The following RAB3C variants were observed in gnomAD, a reference collection of about 807,000 sequenced individuals.
RAB3C encodes the protein ras-related protein Rab-3C.
Under a neutral mutation model 26.4 loss-of-function variants are expected in RAB3C, and 17 were observed. That is an observed-to-expected ratio of 0.64 (90% CI 0.44 to 0.97). The LOEUF (loss-of-function observed/expected upper bound fraction) is 0.97, where lower values mean the gene tolerates loss of function less well. Ranked by LOEUF, RAB3C falls within the 50% of genes least tolerant of loss-of-function variation. RAB3C has a pLI of 0.00. For missense variants in RAB3C, 242 were observed against 281.9 expected, an observed-to-expected ratio of 0.86 and a Z score of 1.01; for synonymous variants, 91 against 95.9, an observed-to-expected ratio of 0.95 and a Z score of 0.30.
intron 2 of RAB3C, among the ~76,000 whole-genome samples, chr5:58,692,316 A>G (rs1372307199): frequency 6.6e-6 from 1 of 151,214 alleles, no homozygotes; most frequent in Non-Finnish European, 1.5e-5. Flanking sequence ...ACTATTAGTC[A>G]GAAATGCAAA....
chr5:58,813,572 T>C (rs1234332102), intron 3 of RAB3C, among the ~76,000 whole-genome samples: 1 of 116,448 alleles, frequency 8.6e-6, no homozygotes, highest in Admixed American at 1.0e-4. Flanking sequence ...TAAGTTGTTA[T>C]GGTTAATTTA....
intron 2 of RAB3C, among the ~76,000 whole-genome samples, chr5:58,666,437 G>A (rs971051910): frequency 1.3e-5 from 2 of 152,150 alleles, no homozygotes; most frequent in Non-Finnish European, 2.9e-5. Flanking sequence ...CCACTGCGGG[G>A]GACAAGGACA....
At chr5:58,810,367 C>CTT (rs1446466183) in intron 3 of RAB3C, among the ~76,000 whole-genome samples, 2 of 89,086 alleles carry the variant, frequency 2.2e-5, no homozygotes, top group Non-Finnish European at 4.6e-5. Flanking sequence ...TCTGTGTGCT[C>CTT]TCTCTCTCTC....
chr5:58,739,329 C>T (rs1199482930), intron 3 of RAB3C, among the ~76,000 whole-genome samples: 1 of 152,168 alleles, frequency 6.6e-6, no homozygotes, highest in Admixed American at 6.5e-5. Flanking sequence ...TAAATTGATA[C>T]GACCCCAGTC....
Position 58,641,385 on chromosome 5 carries a change from T to C in RAB3C, c.252+23515T>C, listed in dbSNP as rs529033109. Among the ~76,000 whole-genome samples, 6 of 152,312 alleles carry C rather than the reference T, an allele frequency of 3.9e-5. No individual in the cohort carries two copies. The East Asian group carries it at 1.2e-3, about 29-fold the overall frequency. ...TGCCACCATGGTAGCTCCGCCAGTGTGCGTGGTAACAATTTATTTTCATAT... is the reference window on the plus strand; with the variant it reads ...TGCCACCATGGTAGCTCCGCCAGTGCGCGTGGTAACAATTTATTTTCATAT... On this transcript the variant is annotated intron_variant, in intron 2 of 4. Transcript: ENST00000282878.
intron 3 of RAB3C, among the ~76,000 whole-genome samples, chr5:58,740,005 T>G (rs1741243356): frequency 6.6e-6 from 1 of 152,216 alleles, no homozygotes; most frequent in South Asian, 2.1e-4. Context: ...GCAAATACCC[T>G]TAGTAATTAA....
intron 2 of RAB3C, among the ~76,000 whole-genome samples, chr5:58,722,741 T>C (rs1740801346): frequency 6.6e-6 from 1 of 151,906 alleles, no homozygotes; most frequent in Admixed American, 6.6e-5. Flanking sequence ...CCAATGAATA[T>C]ACAAGAATAT....
chr5:58,782,068 G>A (rs1214089381), intron 3 of RAB3C, among the ~76,000 whole-genome samples: 1 of 152,110 alleles, frequency 6.6e-6, no homozygotes, highest in African/African-American at 2.4e-5. Flanking sequence ...GAGTAAAACT[G>A]TGTTTTACGT....
chr5:58,758,943 C>T (rs1173795287), intron 3 of RAB3C, among the ~76,000 whole-genome samples: 4 of 152,066 alleles, frequency 2.6e-5, no homozygotes, highest in Non-Finnish European at 4.4e-5. Context: ...CTGTTGCCAC[C>T]TGCATGGATC....
chr5:58,790,730 GA>G (rs1388052409), intron 3 of RAB3C, among the ~76,000 whole-genome samples: 1 of 152,026 alleles, frequency 6.6e-6, no homozygotes, highest in Non-Finnish European at 1.5e-5. Context: ...CCTAAGAGAA[GA>G]AAAAATGATG....
At chr5:58,614,081 C>T (rs975851815) in intron 1 of RAB3C, among the ~76,000 whole-genome samples, 1 of 152,142 alleles carries the variant, frequency 6.6e-6, no homozygotes, top group African/African-American at 2.4e-5. Context: ...TTCTTTCCAA[C>T]TCTATGGTTA....
chr5:58,614,400 A>G (rs1273977975), intron 1 of RAB3C, among the ~76,000 whole-genome samples: 1 of 152,134 alleles, frequency 6.6e-6, no homozygotes, highest in Non-Finnish European at 1.5e-5. Flanking sequence ...AAGTTATACA[A>G]AAACACACAT....
At chr5:58,774,937 A>G (rs980742294) in intron 3 of RAB3C, among the ~76,000 whole-genome samples, 5 of 152,112 alleles carry the variant, frequency 3.3e-5, no homozygotes, top group Admixed American at 1.3e-4. Context: ...CATCGTGACT[A>G]AGGACTTTGG....
chr5:58,621,428 C>T (rs1018028857), intron 2 of RAB3C, among the ~76,000 whole-genome samples: 6 of 152,178 alleles, frequency 3.9e-5, no homozygotes, highest in Non-Finnish European at 8.8e-5. Flanking sequence ...GCTAGGTGGG[C>T]TAGTCTGGTT....
At chr5:58,688,504 C>G (rs1326734286) in intron 2 of RAB3C, among the ~76,000 whole-genome samples, 3 of 152,020 alleles carry the variant, frequency 2.0e-5, no homozygotes, top group Admixed American at 6.6e-5. Flanking sequence ...TTTTGAAAGC[C>G]AACTGTTTTA....
intron 3 of RAB3C, among the ~76,000 whole-genome samples, chr5:58,812,368 C>T (rs1743113753): frequency 6.6e-6 from 1 of 152,098 alleles, no homozygotes; most frequent in Admixed American, 6.5e-5. Flanking sequence ...GGATCTCAGG[C>T]CCCACCCCAG....
chr5:58,804,352 C>T (rs1312518366), intron 3 of RAB3C, among the ~76,000 whole-genome samples: 1 of 152,164 alleles, frequency 6.6e-6, no homozygotes, highest in Non-Finnish European at 1.5e-5. Flanking sequence ...TTGCCTCCCC[C>T]AGGCCTCTAA....
At chr5:58,757,003 C>G (rs1025395684) in intron 3 of RAB3C, among the ~76,000 whole-genome samples, 29 of 152,306 alleles carry the variant, frequency 1.9e-4, no homozygotes, top group Admixed American at 9.8e-4. Flanking sequence ...ATTCTAGATC[C>G]TTGAGGAATC....
At chr5:58,602,271 A>T (rs539323679) in intron 1 of RAB3C, among the ~76,000 whole-genome samples, 1 of 152,134 alleles carries the variant, frequency 6.6e-6, no homozygotes, top group African/African-American at 2.4e-5. Flanking sequence ...GACCTATCAT[A>T]TGGTCTATCT....
Sources: gnomAD v4.1 joint callset for allele counts (sites outside exome capture counted in the v4.1 genomes callset) on GRCh38, gnomAD v4.1.1 for gene constraint, MANE v1.5 for transcripts, NCBI Gene and HGNC (gene_info 2026-07-23, HGNC 2026-07-21) for gene names.